Variants in TENM2 observed in about 807,000 individuals in gnomAD.
TENM2 encodes teneurin-2.
A neutral mutation model predicts 245.2 loss-of-function variants in TENM2; 52 were observed. The observed-to-expected ratio is 0.21, with a 90% CI of 0.17 to 0.27. The LOEUF (loss-of-function observed/expected upper bound fraction) is 0.27. Ranked by LOEUF, TENM2 falls within the 10% of genes least tolerant of loss-of-function variation. The pLI is 1.00. For synonymous variants in TENM2, 1,363 were observed against 1,438.9 expected, an observed-to-expected ratio of 0.95 and a Z score of 1.19; for missense variants, 3,046 against 3,666.8, an observed-to-expected ratio of 0.83 and a Z score of 4.37.
rs35083581 is a variant in TENM2 at position 167,371,358 on chromosome 5, C to CTT, written c.227-3827_227-3826dup. Among the ~76,000 whole-genome samples, 169 of 119,958 alleles carry CTT rather than the reference C, an allele frequency of 1.4e-3. 2 individuals carry two copies. The highest frequency in any genetic ancestry group is 3.4e-3 in the African/African-American group (105 of 30,822). The allele number at this position is 119,958 out of a possible 152,430, so 78.7% of individuals were successfully genotyped here. On this transcript the variant is annotated intron_variant, in intron 1 of 28. Transcript: ENST00000518659. Reference sequence around the variant, plus strand: ...TGTTTTTTTTTTTTTTCTTTCTTTTCTTTTTTTTTTTTTTGAAACGGAGTT... The same window carrying CTT: ...TGTTTTTTTTTTTTTTCTTTCTTTTCTTTTTTTTTTTTTTTTGAAACGGAGTT...
At chr5:167,748,389 T>TTG (rs964097245) in intron 2 of TENM2, among the ~76,000 whole-genome samples, 19 of 302 alleles carry the variant, frequency 0.063, no homozygotes, top group African/African-American at 0.1. Context: ...TAGAGGACAA[T>TTG]TTTTTAAGAG....
chr5:167,705,406 A>T (rs1353377209), intron 2 of TENM2, among the ~76,000 whole-genome samples: 1 of 152,172 alleles, frequency 6.6e-6, no homozygotes, highest in Admixed American at 6.5e-5. Flanking sequence ...TGCACCACCC[A>T]CACACCCTGC....
chr5:167,187,240 GATTTGACAAAACAGGTCATA>G, the TENM2 span, among the ~76,000 whole-genome samples: 2 of 152,144 alleles, frequency 1.3e-5, no homozygotes, highest in African/African-American at 4.8e-5. Flanking sequence ...AGTGCTTTCT[GATTTGACAAAACAGGTCATA>G]ATGAGTGACC....
At chr5:166,980,531 G>A in the TENM2 span, among the ~76,000 whole-genome samples, 6 of 152,098 alleles carry the variant, frequency 3.9e-5, no homozygotes. Context: ...ATCATTTAAA[G>A]TTCTTTGGAG....
At chr5:167,090,456 G>A in the TENM2 span, among the ~76,000 whole-genome samples, 17 of 152,164 alleles carry the variant, frequency 1.1e-4, no homozygotes, top group Non-Finnish European at 2.5e-4. Context: ...GAGGCATACA[G>A]CAATTGACAA....
At chr5:167,688,432 T>C (rs1341996668) in intron 2 of TENM2, among the ~76,000 whole-genome samples, 1 of 152,196 alleles carries the variant, frequency 6.6e-6, no homozygotes, top group Non-Finnish European at 1.5e-5. Context: ...TGCACCACAA[T>C]GGAGAGGTTG....
At chr5:167,131,109 C>T in the TENM2 span, among the ~76,000 whole-genome samples, 683 of 152,084 alleles carry the variant, frequency 4.5e-3, 6 homozygotes, top group Non-Finnish European at 5.1e-3. Flanking sequence ...TGGCACACAA[C>T]GAAACGCTTC....
chr5:167,281,397 G>A (rs1771060070), upstream of TENM2, among the ~76,000 whole-genome samples: 1 of 151,622 alleles, frequency 6.6e-6, no homozygotes, highest in African/African-American at 2.4e-5. Flanking sequence ...TTATAGACGT[G>A]AGCCACCGCA....
In TENM2 at chr5:168,162,558, C is replaced by G. The variant is rs1757841912; in HGVS notation, c.2423-53C>G. On this transcript the variant is annotated intron_variant, in intron 12 of 28. Transcript: ENST00000518659. The stretch of plus-strand genomic sequence containing the variant: ...TCCCCTCTGCATGGCTCCCCTGCTT[C>G]CCCAGCGCGGCCTCACGTCCCTCCT... The G allele has an allele frequency of 5.0e-6, 8 of 1,591,014 alleles. No individual in the cohort carries two copies. The Middle Eastern group carries it at 6.2e-4, about 124-fold the overall frequency.
At chr5:168,223,846 C>T (rs191482745) in intron 23 of TENM2, among the ~76,000 whole-genome samples, 3 of 152,088 alleles carry the variant, frequency 2.0e-5, no homozygotes, top group South Asian at 2.1e-4. Flanking sequence ...ACAGCAAAAC[C>T]ACCATTAACA....
At chr5:167,494,705 G>A (rs953626299) in intron 2 of TENM2, among the ~76,000 whole-genome samples, 21 of 152,056 alleles carry the variant, frequency 1.4e-4, no homozygotes, top group Admixed American at 1.2e-3. Flanking sequence ...CTGTAAATGT[G>A]TTTTCTCTAT....
intron 3 of TENM2, among the ~76,000 whole-genome samples, chr5:167,877,875 C>A (rs1289495220): frequency 6.6e-6 from 1 of 152,146 alleles, no homozygotes; most frequent in Non-Finnish European, 1.5e-5. Context: ...ATTGAACTAC[C>A]TTCGCTTATG....
At chr5:167,934,999 C>T (rs1778589591) in intron 3 of TENM2, 1 of 817,582 alleles carries the variant, frequency 1.2e-6, no homozygotes, top group Non-Finnish European at 1.5e-6. Flanking sequence ...CAGTAGGTGT[C>T]ATTTTAGTTG....
intron 1 of TENM2, among the ~76,000 whole-genome samples, chr5:167,369,965 A>G (rs1464206343): frequency 6.6e-6 from 1 of 152,186 alleles, no homozygotes; most frequent in Non-Finnish European, 1.5e-5. Flanking sequence ...ATGCAAAGAC[A>G]TATCTCTCCT....
intron 14 of TENM2, among the ~76,000 whole-genome samples, chr5:168,194,649 C>A (rs1179802016): frequency 6.6e-6 from 1 of 152,098 alleles, no homozygotes; most frequent in Admixed American, 6.5e-5. Context: ...CTCAGACCCT[C>A]ATGGATTATG....
intron 2 of TENM2, among the ~76,000 whole-genome samples, chr5:167,845,239 CCACACACACACACACACACACACACA>C (rs55784312): frequency 1.0e-5 from 1 of 96,928 alleles, no homozygotes; most frequent in Non-Finnish European, 2.0e-5. Context: ...CCCTCCCGCG[CCACACACACACACACACACACACACA>C]CACACACACA....
chr5:167,845,239 CCACACACACACACACACACACACA>C (rs55784312), intron 2 of TENM2, among the ~76,000 whole-genome samples: 6 of 96,928 alleles, frequency 6.2e-5, no homozygotes, highest in Admixed American at 2.6e-4. Flanking sequence ...CCCTCCCGCG[CCACACACACACACACACACACACA>C]CACACACACA....
At chr5:167,351,709 T>C (rs548236063) in intron 1 of TENM2, among the ~76,000 whole-genome samples, 63 of 152,276 alleles carry the variant, frequency 4.1e-4, no homozygotes, top group African/African-American at 1.5e-3. Context: ...TTTATTTGCC[T>C]AATAATGAAG....
chr5:168,157,862 T>C (rs1026612880), intron 12 of TENM2, among the ~76,000 whole-genome samples: 1 of 152,018 alleles, frequency 6.6e-6, no homozygotes, highest in Admixed American at 6.6e-5. Flanking sequence ...AAGACTTGAG[T>C]TGAAGATTTA....
Sources: gnomAD v4.1 joint callset for allele counts (sites outside exome capture counted in the v4.1 genomes callset) on GRCh38, gnomAD v4.1.1 for gene constraint, MANE v1.5 for transcripts, NCBI Gene and HGNC (gene_info 2026-07-23, HGNC 2026-07-21) for gene names.